Variants in SIM1 observed in about 807,000 individuals in gnomAD.
SIM1 encodes single-minded homolog 1.
Under a neutral mutation model 78.2 loss-of-function variants are expected in SIM1, and 18 were observed. That is an observed-to-expected ratio of 0.23 (90% CI 0.16 to 0.34). SIM1 has a LOEUF of 0.34. Among genes scored for constraint, SIM1 ranks in the 10% least tolerant of loss-of-function variants. The pLI is 1.00. For missense variants in SIM1, 939 were observed against 975.1 expected, an observed-to-expected ratio of 0.96 and a Z score of 0.49; for synonymous variants, 417 against 385.2, an observed-to-expected ratio of 1.08 and a Z score of -0.97.
At chr6:100,417,964 G>A (rs1049367050) in intron 10 of SIM1, among the ~76,000 whole-genome samples, 2 of 152,142 alleles carry the variant, frequency 1.3e-5, no homozygotes, top group Non-Finnish European at 2.9e-5. Flanking sequence ...GTTTATATAA[G>A]CATTAACCAC....
rs138778722 is a variant in SIM1, at chr6:100,430,022, A to G, written c.999-9064T>C. Reference sequence around the variant, plus strand: ...CTCTGAAGCCTTTCATGTGAGCTATATGACTTTCTGTTTCCTTCTTAGGAG... The same window carrying G: ...CTCTGAAGCCTTTCATGTGAGCTATGTGACTTTCTGTTTCCTTCTTAGGAG... On this transcript the variant is annotated intron_variant, in intron 9 of 11. Coordinates refer to ENST00000369208, the MANE Select transcript of SIM1 (RefSeq NM_005068.3). Among the ~76,000 whole-genome samples, 1,071 of 152,252 alleles carry G rather than the reference A, an allele frequency of 7.0e-3. 13 individuals are homozygous for G. The highest frequency in any genetic ancestry group is 0.025 in the African/African-American group (1,023 of 41,538).
intron 10 of SIM1, among the ~76,000 whole-genome samples, chr6:100,402,735 G>A (rs961949709): frequency 1.3e-5 from 2 of 151,790 alleles, no homozygotes; most frequent in Non-Finnish European, 2.9e-5. Flanking sequence ...CCGCCACCAC[G>A]CCTGGCTAAT....
intron 2 of SIM1, among the ~76,000 whole-genome samples, chr6:100,460,766 C>G: frequency 6.6e-6 from 1 of 152,164 alleles, no homozygotes; most frequent in Non-Finnish European, 1.5e-5. Context: ...TGTGCCTGGT[C>G]TTGCGATTGT....
rs771948083 is a variant in SIM1 at position 100,450,279 on chromosome 6, C to G, written c.336G>C (p.Leu112Phe). 3.7e-6 allele frequency: 6 copies of G among 1,614,008 alleles called. No homozygotes were observed. The highest frequency in any genetic ancestry group is 5.1e-6 in the Non-Finnish European group (6 of 1,179,966). The part of the protein sequence containing the change: ...MYISETASVH[L>F]GLSQVELTGN... ...ACCACTCACCTACCTGAGAAAGACC[C>G]AAGTGGACTGAGGCTGTCTCTGAGA... Residue 112 changes from leucine to phenylalanine, a missense_variant, in exon 4 of 12, where the codon TTG (leucine) becomes TTC (phenylalanine). Leu to Phe is a conservative substitution (Grantham distance 22). Around this residue, in one of 5 missense-constraint regions of SIM1, gnomAD observed 9 missense variants for 28.5 expected, o/e 0.32. Transcript: ENST00000369208.
chr6:100,464,151 C>T (rs1772929589), intron 1 of SIM1, among the ~76,000 whole-genome samples: 1 of 152,176 alleles, frequency 6.6e-6, no homozygotes, highest in Non-Finnish European at 1.5e-5. Context: ...TCCTCCAGAC[C>T]CCTGGGAAGT....
At chr6:100,441,547 A>G (rs1045751274) in intron 9 of SIM1, among the ~76,000 whole-genome samples, 5 of 152,254 alleles carry the variant, frequency 3.3e-5, no homozygotes, top group African/African-American at 1.2e-4. Context: ...TTTGTTTAGC[A>G]AAAACATAAA....
At chr6:100,434,514 C>T (rs1771990398) in intron 9 of SIM1, among the ~76,000 whole-genome samples, 2 of 152,202 alleles carry the variant, frequency 1.3e-5, no homozygotes, top group South Asian at 4.1e-4. Flanking sequence ...GCTCCTGGTT[C>T]AGTCACAAGA....
At chr6:100,414,696 A>C (rs1330038078) in intron 10 of SIM1, among the ~76,000 whole-genome samples, 1 of 152,218 alleles carries the variant, frequency 6.6e-6, no homozygotes, top group African/African-American at 2.4e-5. Context: ...TAAAACATGA[A>C]ATGAAGGAAT....
chr6:100,435,384 G>A (rs1054881577), intron 9 of SIM1, among the ~76,000 whole-genome samples: 1 of 152,152 alleles, frequency 6.6e-6, no homozygotes, highest in African/African-American at 2.4e-5. Flanking sequence ...AGGAAAGCAG[G>A]TGGATGCTGG....
intron 10 of SIM1, among the ~76,000 whole-genome samples, chr6:100,411,182 A>T (rs1170971377): frequency 6.6e-6 from 1 of 152,200 alleles, no homozygotes; most frequent in African/African-American, 2.4e-5. Flanking sequence ...GAGATGGAAG[A>T]TAGGGTCAAA....
intron 10 of SIM1, among the ~76,000 whole-genome samples, chr6:100,401,225 G>A (rs1770906910): frequency 6.6e-6 from 1 of 152,068 alleles, no homozygotes; most frequent in Non-Finnish European, 1.5e-5. Context: ...TAACTGGGCT[G>A]TGTTCTTCAA....
intron 6 of SIM1, 64 bp downstream of exon 6, chr6:100,449,299 G>GCC (rs1242339177): frequency 7.2e-7 from 1 of 1,381,260 alleles, no homozygotes; most frequent in East Asian, 2.3e-5. Flanking sequence ...TTCCTCCCAC[G>GCC]CCGCACGCGC....
At chr6:100,442,951 T>C (rs1772253190) in intron 9 of SIM1, among the ~76,000 whole-genome samples, 1 of 152,120 alleles carries the variant, frequency 6.6e-6, no homozygotes, top group Non-Finnish European at 1.5e-5. Context: ...AAAATCCTTT[T>C]TAATTCTAAG....
intron 9 of SIM1, among the ~76,000 whole-genome samples, chr6:100,430,451 A>G (rs1771871785): frequency 6.6e-6 from 1 of 152,166 alleles, no homozygotes; most frequent in African/African-American, 2.4e-5. Context: ...CTAAACCCCT[A>G]ATTGTAGCCC....
intron 10 of SIM1, among the ~76,000 whole-genome samples, chr6:100,406,835 T>G (rs1562236987): frequency 6.6e-6 from 1 of 152,170 alleles, no homozygotes; most frequent in African/African-American, 2.4e-5. Flanking sequence ...TGTGTGCATG[T>G]GGTGTGAAAA....
At chr6:100,419,782 C>T (rs1771516959) in intron 10 of SIM1, among the ~76,000 whole-genome samples, 1 of 152,084 alleles carries the variant, frequency 6.6e-6, no homozygotes, top group South Asian at 2.1e-4. Flanking sequence ...GCTGGGACTA[C>T]AGGCACACGC....
At chr6:100,450,196 C>T in intron 4 of SIM1, 71 bp downstream of exon 4, 1 of 1,343,042 alleles carries the variant, frequency 7.4e-7, no homozygotes, top group Non-Finnish European at 1.1e-6. Flanking sequence ...AGCCCCCAAC[C>T]CAGCCCCCTA....
chr6:100,421,031 T>C (rs1771565982), intron 9 of SIM1, 73 bp from the exon 10 acceptor site: 1 of 1,467,576 alleles, frequency 6.8e-7, no homozygotes, highest in Non-Finnish European at 9.2e-7. Context: ...TCATCAGGAA[T>C]GATAGTAATC....
Position 100,463,362 on chromosome 6 carries a change from T to C in SIM1, c.107A>G (p.Gln36Arg), listed in dbSNP as rs2114562334. 2 of 1,614,150 alleles carry C rather than the reference T, an allele frequency of 1.2e-6. No homozygotes were observed. Among genetic ancestry groups the C allele is most frequent in the African/African-American group, 1.3e-5 (1 of 75,046 alleles). Reference sequence around the variant, plus strand: ...TCTGATTATGGATGCTTTGTCCAGCTGCGAGGTGATAGCCGAGGGCAAAGG... The same window carrying C: ...TCTGATTATGGATGCTTTGTCCAGCCGCGAGGTGATAGCCGAGGGCAAAGG... ...LLPLPSAITS[Q>R]LDKASIIRLT... Residue 36 changes from glutamine (Q) to arginine (R), a missense_variant, in exon 2 of 12, where the codon CAG becomes CGG. This residue lies in a region of SIM1 where 121 missense variants were observed against 124.6 expected (regional missense o/e 0.97). Transcript: ENST00000369208.
Sources: allele counts gnomAD v4.1 joint callset (sites outside exome capture counted in the v4.1 genomes callset), GRCh38; gene constraint gnomAD v4.1.1; regional missense constraint gnomAD v4.1.1; transcripts MANE v1.5; gene names NCBI Gene and HGNC (gene_info 2026-07-23, HGNC 2026-07-21).